Variants in ZNF500 observed in about 807,000 individuals in gnomAD.
ZNF500 encodes the protein zinc finger protein 500, also known as zinc finger protein with KRAB and SCAN domains 18.
ZNF500 carries 31 observed loss-of-function variants against 30.1 expected under a neutral mutation model. The ratio of observed to expected loss-of-function variants is 1.03; its 90% CI spans 0.77 to 1.39. ZNF500 has a LOEUF of 1.39. Ranked by LOEUF, ZNF500 falls within the 40% of genes most tolerant of loss-of-function variation. The probability of loss-of-function intolerance (pLI) is 0.00; values close to 1 mark genes in which losing one functional copy is unlikely to be tolerated. For missense variants in ZNF500, 817 were observed against 657.8 expected, an observed-to-expected ratio of 1.24 and a Z score of -2.65; for synonymous variants, 392 against 282.0, an observed-to-expected ratio of 1.39 and a Z score of -3.91.
downstream of ZNF500, chr16:4,746,559 T>G: frequency 6.3e-7 from 1 of 1,581,954 alleles, no homozygotes; most frequent in African/African-American, 1.4e-5. Flanking sequence ...CTTTGCAGAG[T>G]TGCCTGTTGA....
chr16:4,758,832 A>T (rs965660233), intron 5 of ZNF500, among the ~76,000 whole-genome samples: 1 of 152,172 alleles, frequency 6.6e-6, no homozygotes, highest in Non-Finnish European at 1.5e-5. Context: ...AAAACGATCA[A>T]CTGGACACTA....
chr16:4,760,213 T>G (rs1407365582), intron 5 of ZNF500, among the ~76,000 whole-genome samples: 1 of 152,056 alleles, frequency 6.6e-6, no homozygotes, highest in Non-Finnish European at 1.5e-5. Flanking sequence ...AGCTCTGCCC[T>G]TGAGAGGAGG....
downstream of ZNF500, among the ~76,000 whole-genome samples, chr16:4,747,814 A>C (rs1380025808): frequency 1.3e-5 from 2 of 152,134 alleles, no homozygotes; most frequent in Non-Finnish European, 2.9e-5. Flanking sequence ...ACTTAGAGGA[A>C]GGATGCAGAT....
rs770605059 is a variant in ZNF500, at chr16:4,765,770, C to T, written c.209G>A (p.Arg70His). The change falls in exon 2 of 6, where the codon CGC becomes CAC. Residue 70 changes from arginine to histidine, a missense_variant. Arg to His is a conservative substitution (Grantham distance 29, BLOSUM62 0). Transcript: ENST00000219478. ...EVAGPREALS[R>H]LWELCCRWLR... ...CCAGCGGCAGCACAGCTCCCAGAGGCGGCTCAGGGCCTCCCGGGGCCCAGC... is the reference window on the plus strand; with the variant it reads ...CCAGCGGCAGCACAGCTCCCAGAGGTGGCTCAGGGCCTCCCGGGGCCCAGC... 10 of 1,612,644 alleles carry T rather than the reference C, an allele frequency of 6.2e-6. No individual in the cohort carries two copies. The highest frequency in any genetic ancestry group is 1.3e-5 in the African/African-American group (1 of 74,890).
chr16:4,763,530 G>A (rs932218956), intron 2 of ZNF500: 14 of 984,964 alleles, frequency 1.4e-5, no homozygotes, highest in African/African-American at 1.7e-5. Context: ...AATAGCACTT[G>A]GACAAGAGAC....
chr16:4,757,489 A>G (rs2082148622), intron 5 of ZNF500, among the ~76,000 whole-genome samples: 1 of 151,960 alleles, frequency 6.6e-6, no homozygotes, highest in Non-Finnish European at 1.5e-5. Context: ...TTGTAGAGAC[A>G]AGGCTTCTCC....
Position 4,762,740 on chromosome 16 carries a change from G to C in ZNF500, c.431C>G (p.Ser144Cys). The C allele has an allele frequency of 1.2e-6, 2 of 1,609,838 alleles. No individual in the cohort carries two copies. Reference protein sequence around the residue: ...KHRQRGSELLSDDEVPLGIGG... With the variant: ...KHRQRGSELLCDDEVPLGIGG... Reference sequence around the variant, plus strand: ...TATCCCGAGGGGCACCTCGTCATCAGAAAGCAGCTCTGAGCCCTGCACACA... The same window carrying C: ...TATCCCGAGGGGCACCTCGTCATCACAAAGCAGCTCTGAGCCCTGCACACA... The change falls in exon 3 of 6, where the codon TCT becomes TGT. Residue 144 changes from serine to cysteine, a missense_variant. By Grantham distance (112) the Ser-to-Cys change is moderately radical. Transcript: ENST00000219478.
At chr16:4,763,444 G>C (rs1026506484) in intron 2 of ZNF500, among the ~76,000 whole-genome samples, 2 of 151,972 alleles carry the variant, frequency 1.3e-5, no homozygotes, top group African/African-American at 4.8e-5. Flanking sequence ...TTATCAACAG[G>C]TGCTCTGAGA....
At position 4,752,514 on chromosome 16, in the gene ZNF500, C is replaced by A. The variant is rs1157742843; in HGVS notation, c.1305G>T (p.Lys435Asn). The A allele has an allele frequency of 6.4e-7, 1 of 1,558,740 alleles. No homozygotes were observed. The highest frequency in any genetic ancestry group is 8.6e-7 in the Non-Finnish European group (1 of 1,156,936). The change falls in exon 6 of 6, where the codon AAG becomes AAT. Residue 435 changes from lysine to asparagine, a missense_variant. Lys to Asn is a moderately conservative substitution (Grantham distance 94, BLOSUM62 0). Transcript: ENST00000219478. ...SAHRRTHTGE[K>N]PYTCPACGRG... Reference sequence around the variant, plus strand: ...GGCCACAGGCCGGGCAGGTGTAGGGCTTCTCACCTGTGTGCGTCCGGCGGT... The same window carrying A: ...GGCCACAGGCCGGGCAGGTGTAGGGATTCTCACCTGTGTGCGTCCGGCGGT...
intron 5 of ZNF500, among the ~76,000 whole-genome samples, chr16:4,759,087 T>G (rs1276227289): frequency 8.8e-4 from 4 of 4,554 alleles, no homozygotes; most frequent in African/African-American, 4.5e-3. Flanking sequence ...CACACACCTG[T>G]AATCCCAGCT....
chr16:4,762,577 C>G lies in ZNF500; in HGVS notation c.594G>C (p.Glu198Asp). 6.2e-7 allele frequency: 1 copy of G among 1,612,150 alleles called. No individual in the cohort carries two copies. The highest frequency in any genetic ancestry group is 8.5e-7 in the Non-Finnish European group (1 of 1,179,092). ...RPQRGPLLWP[E>D]RGPPAPRHQE... ...CTCCAAAGGGGTGCTACTCACCTCT[C>G]TCTGGCCACAACAGCGGGCCCCTCT... Residue 198 changes from glutamate to aspartate, a missense_variant, in exon 3 of 6, where the codon GAG becomes GAC. Glu to Asp is a conservative substitution (Grantham distance 45). Coordinates refer to ENST00000219478, the MANE Select transcript of ZNF500 (RefSeq NM_021646.4).
rs2082262061 is a variant in ZNF500, at chr16:4,766,018, T to C, written c.-40A>G. The C allele has an allele frequency of 6.6e-7, 1 of 1,513,374 alleles. No homozygotes were observed. The highest frequency in any genetic ancestry group is 1.4e-5 in the African/African-American group (1 of 71,890). 93.7% of individuals were successfully genotyped at this position (1,513,374 alleles called of 1,614,324 possible). On this transcript the variant is annotated 5_prime_UTR_variant, in exon 2 of 6. Coordinates refer to ENST00000219478, the MANE Select transcript of ZNF500 (RefSeq NM_021646.4). Reference sequence around the variant, plus strand: ...CTTGTTCCTTTTCAGGCCTTAGAGTTGAACCTGTCTCTCTCTATACCTCTG... The same window carrying C: ...CTTGTTCCTTTTCAGGCCTTAGAGTCGAACCTGTCTCTCTCTATACCTCTG...
At chr16:4,761,883 ACAAAAAC>A (rs1567534419) in intron 4 of ZNF500, among the ~76,000 whole-genome samples, 47 of 151,682 alleles carry the variant, frequency 3.1e-4, no homozygotes, top group African/African-American at 1.1e-3. Context: ...AAACAAACAA[ACAAAAAC>A]CCCAAAAAAA....
At chr16:4,759,760 C>A (rs923128317) in intron 5 of ZNF500, among the ~76,000 whole-genome samples, 8 of 152,004 alleles carry the variant, frequency 5.3e-5, no homozygotes, top group African/African-American at 1.9e-4. Context: ...AGCATGGCCA[C>A]GCACGGTGGC....
chr16:4,759,907 C>T (rs748026971), intron 5 of ZNF500, among the ~76,000 whole-genome samples: 18 of 152,138 alleles, frequency 1.2e-4, no homozygotes, highest in Non-Finnish European at 2.2e-4. Flanking sequence ...GGCATGATGG[C>T]GAGTACCTGT....
downstream of ZNF500, chr16:4,747,343 G>T: frequency 6.4e-7 from 1 of 1,572,574 alleles, no homozygotes; most frequent in Non-Finnish European, 8.6e-7. Flanking sequence ...TGTGTCACAG[G>T]ACCTGTACCG....
chr16:4,765,545 G>C lies in ZNF500; in HGVS notation c.414+20C>G, dbSNP rs771475211. The C allele has an allele frequency of 6.4e-7, 1 of 1,564,072 alleles. No homozygotes were observed. Among genetic ancestry groups the C allele is most frequent in the South Asian group, 1.2e-5 (1 of 82,586 alleles). On this transcript the variant is annotated intron_variant, in intron 2 of 5. Coordinates refer to ENST00000219478, the MANE Select transcript of ZNF500 (RefSeq NM_021646.4). ...CAGGGCCCCATTTCCTCACCTGAGG[G>C]TCAAAATGCCCCCACTCACCCGCTG...
downstream of ZNF500, chr16:4,747,141 A>C: frequency 4.1e-6 from 5 of 1,216,728 alleles, no homozygotes; most frequent in Non-Finnish European, 5.7e-6. Context: ...CCCACCGCAC[A>C]GGGTGAGGGG....
chr16:4,746,666 CT>C (rs2082021213), downstream of ZNF500: 4 of 1,119,944 alleles, frequency 3.6e-6, no homozygotes, highest in African/African-American at 3.2e-5. Context: ...TACAGTCCCC[CT>C]GGGTCCCTGC....
Sources: gnomAD v4.1 joint callset for allele counts (sites outside exome capture counted in the v4.1 genomes callset) on GRCh38, gnomAD v4.1.1 for gene constraint, MANE v1.5 for transcripts, NCBI Gene and HGNC (gene_info 2026-07-23, HGNC 2026-07-21) for gene names.